The following NBEAL1 variants were observed in gnomAD, a reference collection of about 807,000 sequenced individuals.
NBEAL1 encodes the protein neurobeachin-like protein 1.
A neutral mutation model predicts 351.3 loss-of-function variants in NBEAL1; 273 were observed. That is an observed-to-expected ratio of 0.78 (90% CI 0.70 to 0.86). NBEAL1 has a LOEUF of 0.86. Ranked by LOEUF, NBEAL1 falls within the 40% of genes least tolerant of loss-of-function variation. The probability of loss-of-function intolerance (pLI) is 0.00; values close to 1 mark genes in which losing one functional copy is unlikely to be tolerated. For missense variants in NBEAL1, 2,961 were observed against 3,201.3 expected, an observed-to-expected ratio of 0.92 and a Z score of 1.81; for synonymous variants, 1,050 against 1,086.4, an observed-to-expected ratio of 0.97 and a Z score of 0.66.
At chr2:203,190,162 AC>A in intron 45 of NBEAL1, 129 bp from the exon 46 acceptor site, 1 of 3,356 alleles carries the variant, frequency 3.0e-4, no homozygotes, top group Non-Finnish European at 1.8e-3. Context: ...ATGTGTGTAC[AC>A]ACACACACAC....
chr2:203,190,242 C>A, intron 45 of NBEAL1, 50 bp from the exon 46 acceptor site: 1 of 1,241,874 alleles, frequency 8.1e-7, no homozygotes, highest in Non-Finnish European at 1.2e-6. Context: ...AGTGATGTGG[C>A]TTGCTGATTT....
At chr2:203,155,669 A>C (rs768157720) in intron 35 of NBEAL1, among the ~76,000 whole-genome samples, 7 of 151,994 alleles carry the variant, frequency 4.6e-5, no homozygotes, top group Non-Finnish European at 8.8e-5. Flanking sequence ...GTTGGTCTTG[A>C]ATTTCTGGGC....
intron 6 of NBEAL1, among the ~76,000 whole-genome samples, chr2:203,067,472 T>A (rs2061612707): frequency 6.6e-6 from 1 of 152,206 alleles, no homozygotes; most frequent in African/African-American, 2.4e-5. Context: ...CTATGTGGTT[T>A]GTTCTATGAT....
At position 203,222,940 on chromosome 2, in the gene NBEAL1, G is replaced by A. The variant is rs549183698; in HGVS notation, c.*5586G>A. On this transcript the variant is annotated 3_prime_UTR_variant, in exon 56 of 56. Coordinates refer to ENST00000683969, the MANE Select transcript of NBEAL1 (RefSeq NM_001378026.1). ...CATTTAAGATGTTTAATTCCAAATA[G>A]GAAATAATTCAGTTTTCTGTGTTAA... Among the ~76,000 whole-genome samples, 4 of 152,218 alleles carry A rather than the reference G, an allele frequency of 2.6e-5. No individual in the cohort carries two copies. The South Asian group carries it at 8.3e-4, about 32-fold the overall frequency.
intron 10 of NBEAL1, among the ~76,000 whole-genome samples, chr2:203,089,803 A>T (rs1438923523): frequency 6.6e-6 from 1 of 152,018 alleles, no homozygotes; most frequent in Non-Finnish European, 1.5e-5. Context: ...TCTCTAGGAC[A>T]TCGTGGATGT....
chr2:203,136,075 C>T lies in NBEAL1; in HGVS notation c.4212C>T (p.Leu1404=). 6.2e-7 allele frequency: 1 copy of T among 1,613,922 alleles called. No homozygotes were observed. Among genetic ancestry groups the T allele is most frequent in the South Asian group, 1.1e-5 (1 of 90,994 alleles). ...HSNPSHLSLD[L]SGIDSCEMSD... is the part of the protein sequence containing the mutation. Reference sequence around the variant, plus strand: ...ACCCTTCACATTTGAGTTTAGACCTCAGTGGAATTGACTCATGTGAAATGA... The same window carrying T: ...ACCCTTCACATTTGAGTTTAGACCTTAGTGGAATTGACTCATGTGAAATGA... Residue 1404 remains leucine (L), a synonymous_variant, in exon 28 of 56, where the codon CTC becomes CTT. Transcript: ENST00000683969.
intron 17 of NBEAL1, among the ~76,000 whole-genome samples, chr2:203,114,735 T>C (rs968602998): frequency 2.6e-5 from 4 of 152,150 alleles, no homozygotes; most frequent in African/African-American, 9.6e-5. Flanking sequence ...CCTTATCTTT[T>C]CTTTTCTTTG....
rs745587038 is a variant in NBEAL1 at position 203,130,406 on chromosome 2, A to G, written c.3494A>G (p.Asn1165Ser). The change falls in exon 25 of 56, where the codon AAT (asparagine) becomes AGT (serine). Residue 1165 changes from asparagine to serine, a missense_variant. By Grantham distance (46) the Asn-to-Ser change is conservative (BLOSUM62 1). Transcript: ENST00000683969. The part of the protein sequence containing the change: ...QLFLLLFEPG[N>S]ADILYALLLN... ...TTCTTACTGCTTTTTGAACCAGGAA[A>G]TGCTGACATACTGTACGCATTGCTC... 2.0e-6 allele frequency: 3 copies of G among 1,534,904 alleles called. No homozygotes were observed. The highest frequency in any genetic ancestry group is 2.6e-6 in the Non-Finnish European group (3 of 1,141,054).
At chr2:203,198,061 C>T (rs1226642557) in intron 48 of NBEAL1, among the ~76,000 whole-genome samples, 1 of 145,046 alleles carries the variant, frequency 6.9e-6, no homozygotes, top group African/African-American at 2.5e-5. Context: ...ACTCTGTCAC[C>T]CAGGCTGGAG....
chr2:203,204,328 T>G (rs1273585543), intron 51 of NBEAL1, among the ~76,000 whole-genome samples: 2 of 147,970 alleles, frequency 1.4e-5, no homozygotes, highest in Non-Finnish European at 3.0e-5. Context: ...TTTTTGGTTT[T>G]TTTTTTTTTT....
intron 21 of NBEAL1, 76 bp downstream of exon 21, chr2:203,126,169 A>G: frequency 7.4e-7 from 1 of 1,343,024 alleles, no homozygotes; most frequent in Non-Finnish European, 1.0e-6. Flanking sequence ...TTTCTTCCTA[A>G]TAAATATATT....
At chr2:203,211,721 G>A (rs948464303) in intron 54 of NBEAL1, among the ~76,000 whole-genome samples, 3 of 152,160 alleles carry the variant, frequency 2.0e-5, no homozygotes, top group Non-Finnish European at 2.9e-5. Context: ...TTGGAAATTT[G>A]TCCAAATGAT....
chr2:203,054,435 A>G (rs2061373722), intron 4 of NBEAL1, among the ~76,000 whole-genome samples: 2 of 151,984 alleles, frequency 1.3e-5, no homozygotes, highest in Non-Finnish European at 2.9e-5. Flanking sequence ...CAAAAAAAAA[A>G]AAAAAATTTT....
intron 2 of NBEAL1, among the ~76,000 whole-genome samples, chr2:203,033,146 G>T (rs2060978623): frequency 6.6e-6 from 1 of 151,750 alleles, no homozygotes; most frequent in East Asian, 1.9e-4. Context: ...GACTACAGGT[G>T]CCCGCCACCA....
intron 34 of NBEAL1, among the ~76,000 whole-genome samples, chr2:203,149,819 C>T (rs2063604419): frequency 6.6e-6 from 1 of 152,136 alleles, no homozygotes; most frequent in South Asian, 2.1e-4. Flanking sequence ...TGGAATCATA[C>T]AATATGTGGC....
At chr2:203,158,830 T>C (rs1287105234) in intron 36 of NBEAL1, among the ~76,000 whole-genome samples, 2 of 145,318 alleles carry the variant, frequency 1.4e-5, no homozygotes, top group Non-Finnish European at 3.0e-5. Flanking sequence ...TTTTTTTTTT[T>C]TTTTTTTGAG....
In NBEAL1 at chr2:203,135,815, G is replaced by C. The variant is rs1456449726; in HGVS notation, c.3952G>C (p.Val1318Leu). ...GNTLHKHSRAVLMKDNDKNMS... is the reference protein window; with the variant it reads ...GNTLHKHSRALLMKDNDKNMS... ...TACTCTTCATAAGCACAGTAGAGCTGTTTTAATGAAAGACAATGATAAAAA... is the reference window on the plus strand; with the variant it reads ...TACTCTTCATAAGCACAGTAGAGCTCTTTTAATGAAAGACAATGATAAAAA... The change falls in exon 28 of 56, where the codon GTT (valine) becomes CTT (leucine). Residue 1318 changes from valine (V) to leucine (L), a missense_variant. Val to Leu is a conservative substitution (Grantham distance 32). Transcript: ENST00000683969. 6.2e-7 allele frequency: 1 copy of C among 1,613,692 alleles called. No homozygotes were observed. The highest frequency in any genetic ancestry group is 2.2e-5 in the East Asian group (1 of 44,838).
chr2:203,143,377 T>C (rs1221467571), intron 31 of NBEAL1, among the ~76,000 whole-genome samples: 1 of 145,154 alleles, frequency 6.9e-6, no homozygotes, highest in Non-Finnish European at 1.5e-5. Context: ...GACTCCTGTA[T>C]ACCTGTTCTT....
chr2:203,140,079 T>A (rs1484424029), intron 31 of NBEAL1, among the ~76,000 whole-genome samples: 3 of 151,826 alleles, frequency 2.0e-5, no homozygotes, highest in Non-Finnish European at 1.5e-5. Context: ...GGCGGGCGGA[T>A]CACCTGAGGT....
Sources: allele counts gnomAD v4.1 joint callset (sites outside exome capture counted in the v4.1 genomes callset), GRCh38; gene constraint gnomAD v4.1.1; transcripts MANE v1.5; gene names NCBI Gene and HGNC (gene_info 2026-07-23, HGNC 2026-07-21).